Variants in TPRKB observed in about 807,000 individuals in gnomAD.
TPRKB encodes the protein EKC/KEOPS complex subunit TPRKB.
TPRKB carries 11 observed loss-of-function variants against 17.8 expected under a neutral mutation model. The ratio of observed to expected loss-of-function variants is 0.62; its 90% CI spans 0.39 to 1.02. The LOEUF is 1.02. Ranked by LOEUF, TPRKB falls within the 50% of genes least tolerant of loss-of-function variation. TPRKB has a pLI of 0.00. For missense variants in TPRKB, 228 were observed against 198.0 expected (o/e 1.15, Z -0.91); for synonymous variants, 71 against 69.5 (o/e 1.02, Z -0.11).
intron 4 of TPRKB, 87 bp downstream of exon 4, chr2:73,730,473 A>C (rs1030718887): frequency 1.2e-4 from 113 of 927,164 alleles, no homozygotes; most frequent in Non-Finnish European, 1.7e-4. Context: ...AGTTCAAAAA[A>C]CAAGGAGCTC....
intron 2 of TPRKB, 40 bp from the exon 3 acceptor site, chr2:73,732,325 ATC>A: frequency 6.3e-7 from 1 of 1,596,132 alleles, no homozygotes; most frequent in South Asian, 1.1e-5. Flanking sequence ...CACATGGAGA[ATC>A]TGCAGTGCCT....
intron 2 of TPRKB, 96 bp from the exon 3 acceptor site, chr2:73,732,381 T>C (rs1261679729): frequency 7.5e-7 from 1 of 1,331,458 alleles, no homozygotes; most frequent in African/African-American, 1.5e-5. Context: ...GTCAAGCTGT[T>C]TTACTTCATC....
At position 73,732,235 on chromosome 2, in the gene TPRKB, G is replaced by T; in HGVS notation, c.192C>A (p.Leu64=). The change falls in exon 3 of 5, where the codon CTC becomes CTA. Residue 64 remains leucine (L), a synonymous_variant. Transcript: ENST00000272424. The part of the protein sequence containing the change: ...ILVAANKAVH[L]YKLGKMKTRT... ...TTGTCTTCATTTTTCCCAGTTTGTAGAGGTGAACTGCTTTGTTTGCTGCCA... is the reference window on the plus strand; with the variant it reads ...TTGTCTTCATTTTTCCCAGTTTGTATAGGTGAACTGCTTTGTTTGCTGCCA... The T allele has an allele frequency of 6.2e-7, 1 of 1,613,978 alleles. No individual in the cohort carries two copies. The highest frequency in any genetic ancestry group is 8.5e-7 in the Non-Finnish European group (1 of 1,179,938).
At chr2:73,735,449 C>T (rs1671836828) in intron 1 of TPRKB, among the ~76,000 whole-genome samples, 1 of 151,988 alleles carries the variant, frequency 6.6e-6, no homozygotes, top group Admixed American at 6.6e-5. Context: ...AACAAACCTG[C>T]ACGTTGTGCA....
intron 1 of TPRKB, among the ~76,000 whole-genome samples, chr2:73,735,998 TTAAG>T (rs766562158): frequency 2.6e-5 from 4 of 152,110 alleles, no homozygotes; most frequent in Admixed American, 6.6e-5. Context: ...ATAAATAACA[TTAAG>T]TAAGTAAAAA....
Position 73,734,541 on chromosome 2 carries a change from A to T in TPRKB, c.29T>A (p.Phe10Tyr), listed in dbSNP as rs1671790028. The change falls in exon 2 of 5, where the codon TTT becomes TAT. Residue 10 changes from phenylalanine to tyrosine, a missense_variant. Transcript: ENST00000272424. ...CAGAAGGGTTACCCTGCATTCGGGA[A>T]ATAGGTCCAGCTGATGTGTTAACTG... MQLTHQLDLFPECRVTLLLF... is the reference protein window; with the variant it reads MQLTHQLDLYPECRVTLLLF... 3.1e-6 allele frequency: 5 copies of T among 1,613,634 alleles called. No homozygotes were observed. Among genetic ancestry groups the T allele is most frequent in the Non-Finnish European group, 4.2e-6 (5 of 1,179,838 alleles).
rs1367858922 is a variant in TPRKB at position 73,734,531 on chromosome 2, G to C, written c.39C>G (p.Cys13Trp). 1 of 1,613,608 alleles carries C rather than the reference G, an allele frequency of 6.2e-7. No homozygotes were observed. The highest frequency in any genetic ancestry group is 8.5e-7 in the Non-Finnish European group (1 of 1,179,816). Residue 13 changes from cysteine (C) to tryptophan (W), a missense_variant, in exon 2 of 5, where the codon TGC (cysteine) becomes TGG (tryptophan). Physicochemically the swap from Cys to Trp is radical, Grantham distance 215 (BLOSUM62 -2). Coordinates refer to ENST00000272424, the MANE Select transcript of TPRKB (RefSeq NM_016058.5). ...LTHQLDLFPE[C>W]RVTLLLFKDV... ...CTTTAAATAACAGAAGGGTTACCCT[G>C]CATTCGGGAAATAGGTCCAGCTGAT...
At chr2:73,734,312 T>A in intron 2 of TPRKB, 117 bp downstream of exon 2, 1 of 988,666 alleles carries the variant, frequency 1.0e-6, no homozygotes, top group Non-Finnish European at 1.5e-6. Context: ...TTGGCCAGGC[T>A]GGTCTTCAAC....
chr2:73,731,798 CAAG>C (rs1671622275), intron 3 of TPRKB: 1 of 169,918 alleles, frequency 5.9e-6, no homozygotes, highest in South Asian at 1.5e-4. Flanking sequence ...ATCCCACCCT[CAAG>C]GAGTTTACGG....
At position 73,732,148 on chromosome 2, in the gene TPRKB, G is replaced by T; in HGVS notation, c.264+15C>A. The T allele has an allele frequency of 2.5e-6, 4 of 1,609,760 alleles. No individual in the cohort carries two copies. The highest frequency in any genetic ancestry group is 1.1e-5 in the South Asian group (1 of 90,242). ...ATTATGACACGGTCAACAGAAATAG[G>T]AAAGTGCACATTACATTGTTATTTG... is the stretch of plus-strand genomic sequence containing the variant. On this transcript the variant is annotated intron_variant, in intron 3 of 4. Transcript: ENST00000272424.
chr2:73,730,087 CA>C lies in TPRKB; in HGVS notation c.442-59del, dbSNP rs889475636. On this transcript the variant is annotated intron_variant, in intron 4 of 4. Transcript: ENST00000272424. ...GATATCGTCATTCACTACTAATTGT[CA>C]TTATACAAACATGTGTAAGTGAAAT... 2.3e-5 allele frequency: 34 copies of C among 1,477,824 alleles called. No homozygotes were observed. In the African/African-American group the frequency reaches 3.9e-4, roughly 17 times the overall value. 91.5% of individuals were successfully genotyped at this position (1,477,824 alleles called of 1,614,324 possible).
intron 2 of TPRKB, chr2:73,732,737 A>T (rs1054882800): frequency 6.5e-6 from 1 of 154,934 alleles, no homozygotes; most frequent in African/African-American, 2.4e-5. Context: ...AACAACTATT[A>T]TCCCAAGGGC....
At chr2:73,730,790 A>G (rs1671570577) in intron 3 of TPRKB, 54 bp from the exon 4 acceptor site, 1 of 1,286,570 alleles carries the variant, frequency 7.8e-7, no homozygotes, top group African/African-American at 1.5e-5. Context: ...ATTGTTTCCT[A>G]CGTCTGAAAC....
chr2:73,730,425 T>G, intron 4 of TPRKB, 135 bp downstream of exon 4: 1 of 615,700 alleles, frequency 1.6e-6, no homozygotes, highest in South Asian at 2.5e-5. Context: ...TATCTGTAAT[T>G]TTTAAGTAAT....
chr2:73,730,661 C>T lies in TPRKB; in HGVS notation c.340G>A (p.Glu114Lys). The T allele has an allele frequency of 6.3e-7, 1 of 1,587,832 alleles. No individual in the cohort carries two copies. The highest frequency in any genetic ancestry group is 1.2e-5 in the South Asian group (1 of 85,572). ...AGGTATTCTTGATTTATTTGTTTTT[C>T]TCCCTCTTCAATGTAAACAATTAGA... ...SILIVYIEEG[E>K]KQINQEYLIS... Residue 114 changes from glutamate to lysine, a missense_variant, in exon 4 of 5, where the codon GAA (glutamate) becomes AAA (lysine). Coordinates refer to ENST00000272424, the MANE Select transcript of TPRKB (RefSeq NM_016058.5).
At chr2:73,736,132 T>C (rs1274384058) in intron 1 of TPRKB, among the ~76,000 whole-genome samples, 1 of 152,188 alleles carries the variant, frequency 6.6e-6, no homozygotes, top group Admixed American at 6.5e-5. Flanking sequence ...TTAGAATTAA[T>C]TTGACTTTTT....
intron 1 of TPRKB, among the ~76,000 whole-genome samples, chr2:73,736,115 C>T (rs1321473450): frequency 6.6e-6 from 1 of 152,048 alleles, no homozygotes; most frequent in Non-Finnish European, 1.5e-5. Flanking sequence ...TTAATGTTAT[C>T]TCTTATTTAG....
chr2:73,736,513 G>C lies in TPRKB; in HGVS notation c.-23+789C>G, dbSNP rs146561174. Among the ~76,000 whole-genome samples the C allele has an allele frequency of 1.6e-4, 25 of 152,318 alleles. No individual in the cohort carries two copies. The East Asian group carries it at 4.8e-3, about 29-fold the overall frequency. On this transcript the variant is annotated intron_variant, in intron 1 of 4. Coordinates refer to ENST00000272424, the MANE Select transcript of TPRKB (RefSeq NM_016058.5). The stretch of plus-strand genomic sequence containing the variant: ...GAAAACTTCAAAATAGTTTGTTCTT[G>C]TTTAGCGTAATTTACTCACTCAGGT...
intron 4 of TPRKB, 111 bp from the exon 5 acceptor site, chr2:73,730,140 T>A: frequency 8.0e-7 from 1 of 1,254,364 alleles, no homozygotes; most frequent in Non-Finnish European, 1.1e-6. Context: ...ATTGGGTTCA[T>A]GGTATAACAA....
Sources: allele counts gnomAD v4.1 joint callset (sites outside exome capture counted in the v4.1 genomes callset), GRCh38; gene constraint gnomAD v4.1.1; transcripts MANE v1.5; gene names NCBI Gene and HGNC (gene_info 2026-07-23, HGNC 2026-07-21).